The following LHX2 variants were observed in gnomAD, a reference collection of about 807,000 sequenced individuals.
The protein encoded by LHX2 is LIM homeobox 2.
Under a neutral mutation model 33.0 loss-of-function variants are expected in LHX2, and 6 were observed. The ratio of observed to expected loss-of-function variants is 0.18; its 90% CI spans 0.10 to 0.36. The LOEUF is 0.36. LHX2 is among the 10% of genes least tolerant of loss of function. The pLI is 1.00. For synonymous variants in LHX2, 292 were observed against 253.1 expected, an observed-to-expected ratio of 1.15 and a Z score of -1.46; for missense variants, 442 against 586.2, an observed-to-expected ratio of 0.75 and a Z score of 2.54.
At position 124,021,122 on chromosome 9, in the gene LHX2, G is replaced by A. The variant is rs973270362; in HGVS notation, c.751G>A (p.Ala251Thr). The A allele has an allele frequency of 1.9e-6, 3 of 1,614,042 alleles. No individual in the cohort carries two copies. Among genetic ancestry groups the A allele is most frequent in the Middle Eastern group, 1.6e-4 (1 of 6,062 alleles). ...AGCGCTAAGCTGCAACGAAAACGAC[G>A]CAGAGCACCTGGACCGTGACCAGCC... ...NAALSCNEND[A>T]EHLDRDQPYP... Residue 251 changes from alanine (A) to threonine (T), a missense_variant, in exon 4 of 5, where the codon GCA (alanine) becomes ACA (threonine). Ala to Thr is a moderately conservative substitution (Grantham distance 58). Coordinates refer to ENST00000373615, the MANE Select transcript of LHX2 (RefSeq NM_004789.4).
intron 1 of LHX2, among the ~76,000 whole-genome samples, chr9:124,013,255 C>G (rs975621666): frequency 6.6e-6 from 1 of 152,238 alleles, no homozygotes; most frequent in Non-Finnish European, 1.5e-5. Flanking sequence ...AGCAGCGGCG[C>G]CAGTGTCCTC....
At chr9:124,018,744 CTCTG>C (rs1442063005) in intron 3 of LHX2, among the ~76,000 whole-genome samples, 2 of 152,210 alleles carry the variant, frequency 1.3e-5, no homozygotes, top group African/African-American at 2.4e-5. Context: ...CTTTCTTTTC[CTCTG>C]TCTGTCCTCT....
chr9:124,021,339 C>G, intron 4 of LHX2, 35 bp downstream of exon 4: 1 of 1,598,548 alleles, frequency 6.3e-7, no homozygotes, highest in Non-Finnish European at 8.5e-7. Context: ...CATCTGCGAC[C>G]ACCAGGGACT....
Position 124,012,461 on chromosome 9 carries a change from C to T in LHX2, c.113C>T (p.Thr38Ile). ...AISSAIDRGDTETTMPSISSD... is the reference protein window; with the variant it reads ...AISSAIDRGDIETTMPSISSD... ...AGCTCCGCCATCGACCGCGGCGACA[C>T]CGAGACGGTAGGCGCGCGGCTGTGG... Residue 38 changes from threonine (T) to isoleucine (I), a missense_variant, in exon 1 of 5, where the codon ACC becomes ATC. This residue lies in a region of LHX2 where 97 missense variants were observed against 81.5 expected (regional missense o/e 1.19). Coordinates refer to ENST00000373615, the MANE Select transcript of LHX2 (RefSeq NM_004789.4). The surrounding 1 kb of genome is among the most constrained non-coding windows in gnomAD (Gnocchi z 4.3). The T allele has an allele frequency of 6.5e-7, 1 of 1,546,728 alleles. No homozygotes were observed. The highest frequency in any genetic ancestry group is 2.4e-5 in the East Asian group (1 of 40,828).
rs1329850991 is a variant in LHX2, at chr9:124,032,579, A to G, written c.1093A>G (p.Thr365Ala). The change falls in exon 5 of 5, where the codon ACC becomes GCC. Residue 365 changes from threonine to alanine, a missense_variant. By Grantham distance (58) the Thr-to-Ala change is moderately conservative. This residue lies in a region of LHX2 where 109 missense variants were observed against 98.7 expected (regional missense o/e 1.10). Coordinates refer to ENST00000373615, the MANE Select transcript of LHX2 (RefSeq NM_004789.4). This position sits in a 1 kb window ranked among gnomAD's most constrained non-coding sequence, Gnocchi z 4.1. ...CTCGCTCAGCCCCTCCAGCACGCCC[A>G]CCACCCTGACAGACTTGACTAGCCC... is the stretch of plus-strand genomic sequence containing the variant. ...NASLSPSSTP[T>A]TLTDLTSPTL... 1.9e-6 allele frequency: 3 copies of G among 1,614,056 alleles called. No homozygotes were observed. The highest frequency in any genetic ancestry group is 2.5e-6 in the Non-Finnish European group (3 of 1,179,998).
In LHX2 at chr9:124,032,626, C is replaced by CAAAAAA. The variant is rs1828717677; in HGVS notation, c.1140_1141insAAAAAA (p.Ser380_Val381insLysLys). ...GCCCCACCCTGCCAACTGTGACGTCCGTCTTAACTTCTGTGCCTGGCAACC... is the reference window on the plus strand; with the variant it reads ...GCCCCACCCTGCCAACTGTGACGTCCAAAAAAGTCTTAACTTCTGTGCCTGGCAACC... On this transcript the variant is annotated inframe_insertion, in exon 5 of 5. Transcript: ENST00000373615. This position sits in a 1 kb window ranked among gnomAD's most constrained non-coding sequence, Gnocchi z 4.1. 2 of 1,613,986 alleles carry CAAAAAA rather than the reference C, an allele frequency of 1.2e-6. No individual in the cohort carries two copies.
chr9:124,029,693 AC>A (rs1471263928), intron 4 of LHX2, among the ~76,000 whole-genome samples: 1 of 152,110 alleles, frequency 6.6e-6, no homozygotes, highest in African/African-American at 2.4e-5. Context: ...CCGGCAAAGC[AC>A]CCTCAAACCC....
At chr9:124,019,748 A>C (rs948634640) in intron 3 of LHX2, among the ~76,000 whole-genome samples, 3 of 152,198 alleles carry the variant, frequency 2.0e-5, no homozygotes, top group African/African-American at 7.2e-5. Context: ...GTATGTGATG[A>C]GGGCACAAGA....
rs1286836736 is a variant in LHX2, at chr9:124,032,919, A to G, written c.*212A>G. 11 of 492,266 alleles carry G rather than the reference A, an allele frequency of 2.2e-5. No homozygotes were observed. The highest frequency in any genetic ancestry group is 3.5e-5 in the Non-Finnish European group (10 of 283,778). The allele number at this position is 492,266 out of a possible 1,614,324, so 30.5% of individuals were successfully genotyped here. The stretch of plus-strand genomic sequence containing the variant: ...TTGGAAGATCTACCTGCAACACAAC[A>G]TTTGTGTCACTGTACAGTTTTGTGG... On this transcript the variant is annotated 3_prime_UTR_variant, in exon 5 of 5. Transcript: ENST00000373615. This position sits in a 1 kb window ranked among gnomAD's most constrained non-coding sequence, Gnocchi z 4.1.
rs1294083225 is a variant in LHX2, at chr9:124,015,394, CGGG to C, written c.598_600del (p.Gly200del). 6.2e-7 allele frequency: 1 copy of C among 1,608,074 alleles called. No homozygotes were observed. Among genetic ancestry groups the C allele is most frequent in the African/African-American group, 1.3e-5 (1 of 74,646 alleles). On this transcript the variant is annotated inframe_deletion, in exon 3 of 5. Coordinates refer to ENST00000373615, the MANE Select transcript of LHX2 (RefSeq NM_004789.4). This position sits in a 1 kb window ranked among gnomAD's most constrained non-coding sequence, Gnocchi z 7.9. ...GCTGCAGCCGCGGCGGCCAAGAGCG[CGGG>C]GCTGGGCGCAGCAGGGGCCAACCCT...
rs568783672 is a variant in LHX2 at position 124,025,569 on chromosome 9, A to C, written c.933+4265A>C. On this transcript the variant is annotated intron_variant, in intron 4 of 4. Transcript: ENST00000373615. ...GAAGGGCCAGGGAAGCAGCATATTA[A>C]GATGCCCTAAGCTTGGGGAAGTGAG... Among the ~76,000 whole-genome samples the C allele has an allele frequency of 7.9e-5, 12 of 152,296 alleles. No homozygotes were observed. The South Asian group carries it at 2.5e-3, about 32-fold the overall frequency.
Position 124,032,526 on chromosome 9 carries a change from CG to C in LHX2, c.1043del (p.Gly348AlafsTer20). 1 of 1,613,940 alleles carries C rather than the reference CG, an allele frequency of 6.2e-7. No homozygotes were observed. The highest frequency in any genetic ancestry group is 8.5e-7 in the Non-Finnish European group (1 of 1,179,998). On this transcript the variant is annotated frameshift_variant, in exon 5 of 5. Coordinates refer to ENST00000373615, the MANE Select transcript of LHX2 (RefSeq NM_004789.4). LOFTEE classifies it high-confidence loss of function. The surrounding 1 kb of genome is among the most constrained non-coding windows in gnomAD (Gnocchi z 4.1). The part of the protein sequence containing the change: ...TDAALQTGTP[S>X]GPASELSNAS... ...GCGGCGCTGCAGACAGGGACGCCAT[CG>C]GGCCCGGCCTCGGAGCTCTCCAACG...
chr9:124,029,009 T>C (rs4836957), intron 4 of LHX2, among the ~76,000 whole-genome samples: 77,850 of 151,748 alleles, frequency 0.51, 20,030 homozygotes, highest in Admixed American at 0.61. Flanking sequence ...ACTCAGGAGA[T>C]TGAGGCAGGA....
intron 4 of LHX2, among the ~76,000 whole-genome samples, chr9:124,025,920 G>A (rs1460549560): frequency 6.6e-6 from 1 of 152,120 alleles, no homozygotes; most frequent in Non-Finnish European, 1.5e-5. Context: ...AGGAGGTGGA[G>A]GTTGCAGTGA....
chr9:124,026,646 A>C (rs1428501595), intron 4 of LHX2, among the ~76,000 whole-genome samples: 1 of 152,158 alleles, frequency 6.6e-6, no homozygotes, highest in Non-Finnish European at 1.5e-5. Context: ...TTTCTCTTGG[A>C]GATCAGAGCA....
intron 3 of LHX2, among the ~76,000 whole-genome samples, chr9:124,019,997 C>T (rs1859264675): frequency 6.6e-6 from 1 of 152,200 alleles, no homozygotes; most frequent in African/African-American, 2.4e-5. Context: ...CCCCATGAGG[C>T]TCCTTGTGGT....
At position 124,032,126 on chromosome 9, in the gene LHX2, C is replaced by T. The variant is rs1380775623; in HGVS notation, c.934-294C>T. 3 of 351,934 alleles carry T rather than the reference C, an allele frequency of 8.5e-6. No homozygotes were observed. The highest frequency in any genetic ancestry group is 4.2e-5 in the African/African-American group (2 of 47,176). The allele number at this position is 351,934 out of a possible 1,614,324, so 21.8% of individuals were successfully genotyped here. On this transcript the variant is annotated intron_variant, in intron 4 of 4. Transcript: ENST00000373615. The surrounding 1 kb of genome is among the most constrained non-coding windows in gnomAD (Gnocchi z 4.1). The stretch of plus-strand genomic sequence containing the variant: ...GGTGGTGCTCACCTATCTATAGCCC[C>T]AGCTACCCAGGAGGCTGAGGCGGGA...
At chr9:124,027,320 A>G (rs1828640074) in intron 4 of LHX2, among the ~76,000 whole-genome samples, 1 of 152,212 alleles carries the variant, frequency 6.6e-6, no homozygotes, top group African/African-American at 2.4e-5. Context: ...GAATCCAATA[A>G]TTAAAGTGTG....
Position 124,015,425 on chromosome 9 carries a change from G to A in LHX2, c.627G>A (p.Leu209=). The change falls in exon 3 of 5, where the codon CTG becomes CTA. Residue 209 remains leucine, a synonymous_variant. Coordinates refer to ENST00000373615, the MANE Select transcript of LHX2 (RefSeq NM_004789.4). This position sits in a 1 kb window ranked among gnomAD's most constrained non-coding sequence, Gnocchi z 7.9. ...TGGGCGCAGCAGGGGCCAACCCTCT[G>A]GGTCTTCCCTACTACAATGGCGTGG... The part of the protein sequence containing the change: ...AGLGAAGANP[L]GLPYYNGVGT... The A allele has an allele frequency of 6.3e-7, 1 of 1,597,818 alleles. No individual in the cohort carries two copies. Among genetic ancestry groups the A allele is most frequent in the Admixed American group, 1.7e-5 (1 of 57,576 alleles).
Sources: allele counts gnomAD v4.1 joint callset (sites outside exome capture counted in the v4.1 genomes callset), GRCh38; gene constraint gnomAD v4.1.1; regional missense constraint gnomAD v4.1.1; non-coding constraint Gnocchi (gnomAD v3.1); transcripts MANE v1.5; gene names NCBI Gene and HGNC (gene_info 2026-07-23, HGNC 2026-07-21).